The following PRELP variants were observed in gnomAD, a reference collection of about 807,000 sequenced individuals.
PRELP encodes prolargin.
Under a neutral mutation model 22.8 loss-of-function variants are expected in PRELP, and 16 were observed. The observed-to-expected ratio is 0.70, with a 90% CI of 0.47 to 1.06. The LOEUF (loss-of-function observed/expected upper bound fraction) is 1.06. Ranked by LOEUF, PRELP falls within the 50% of genes least tolerant of loss-of-function variation. The pLI is 0.00. For synonymous variants in PRELP, 233 were observed against 211.4 expected (o/e 1.10, Z -0.89); for missense variants, 434 against 485.2 (o/e 0.89, Z 0.99).
chr1:203,478,526 G>A (rs1205601820), intron 1 of PRELP, among the ~76,000 whole-genome samples: 1 of 152,152 alleles, frequency 6.6e-6, no homozygotes, highest in African/African-American at 2.4e-5. Context: ...TTTATTTTTA[G>A]CACTTTTTGA....
At chr1:203,482,155 C>A (rs1447694962) in intron 1 of PRELP, among the ~76,000 whole-genome samples, 1 of 152,090 alleles carries the variant, frequency 6.6e-6, no homozygotes. Flanking sequence ...TCCTAACATC[C>A]CTCTCATGAA....
At chr1:203,485,347 T>C (rs1661074994) in intron 2 of PRELP, among the ~76,000 whole-genome samples, 1 of 152,010 alleles carries the variant, frequency 6.6e-6, no homozygotes, top group African/African-American at 2.4e-5. Flanking sequence ...CTGGAGGATA[T>C]CCCAACCTTC....
chr1:203,487,034 C>A lies in PRELP; in HGVS notation c.*153C>A. On this transcript the variant is annotated 3_prime_UTR_variant, in exon 3 of 3. Coordinates refer to ENST00000343110, the MANE Select transcript of PRELP (RefSeq NM_002725.4). ...AGGCAGGGAAAAGCCATCTATTCTT[C>A]TGCAGCCTCAGGAGCGAGACTTCAA... The A allele has an allele frequency of 1.1e-6, 1 of 914,454 alleles. No individual in the cohort carries two copies. Among genetic ancestry groups the A allele is most frequent in the Non-Finnish European group, 1.6e-6 (1 of 631,912 alleles). The allele number at this position is 914,454 out of a possible 1,614,324, so 56.6% of individuals were successfully genotyped here. A position where few individuals can be genotyped will look rare whatever the true frequency, so the allele number is the denominator to read the frequency against.
At chr1:203,482,591 CTTTTTTTT>C (rs58787817) in intron 1 of PRELP, among the ~76,000 whole-genome samples, 7 of 51,076 alleles carry the variant, frequency 1.4e-4, no homozygotes, top group Non-Finnish European at 2.0e-4. Context: ...CCCAATGTGC[CTTTTTTTT>C]TTTTTTTTTT....
intron 1 of PRELP, among the ~76,000 whole-genome samples, chr1:203,477,225 A>C (rs1326869297): frequency 6.6e-6 from 1 of 152,182 alleles, no homozygotes; most frequent in African/African-American, 2.4e-5. Context: ...ACTTCAGGAG[A>C]TTCTGATGGT....
rs1004806671 is a variant in PRELP, at chr1:203,490,061, G to A, written c.*3180G>A. 2 of 142,402 alleles carry A rather than the reference G, an allele frequency of 1.4e-5. No homozygotes were observed. Among genetic ancestry groups the A allele is most frequent in the Admixed American group, 7.0e-5 (1 of 14,322 alleles). The allele number at this position is 142,402 out of a possible 1,614,324, so 8.8% of individuals were successfully genotyped here. On this transcript the variant is annotated 3_prime_UTR_variant, in exon 3 of 3. Coordinates refer to ENST00000343110, the MANE Select transcript of PRELP (RefSeq NM_002725.4). ...AGCCTCTTAATTGCTCTAACAAGATGAGTGGGGAAAAGATTATACTCTTAA... is the reference window on the plus strand; with the variant it reads ...AGCCTCTTAATTGCTCTAACAAGATAAGTGGGGAAAAGATTATACTCTTAA...
intron 2 of PRELP, 116 bp downstream of exon 2, chr1:203,484,273 T>C: frequency 7.0e-7 from 1 of 1,423,078 alleles, no homozygotes; most frequent in Admixed American, 2.5e-5. Flanking sequence ...ACTTTGGCAC[T>C]GGACTTCAAT....
intron 1 of PRELP, among the ~76,000 whole-genome samples, chr1:203,479,918 A>G (rs539427283): frequency 6.6e-6 from 1 of 152,062 alleles, no homozygotes; most frequent in East Asian, 1.9e-4. Flanking sequence ...CCAGATCCAC[A>G]ATAGTTGGAA....
chr1:203,481,698 G>A (rs1386267104), intron 1 of PRELP, among the ~76,000 whole-genome samples: 1 of 152,134 alleles, frequency 6.6e-6, no homozygotes, highest in Non-Finnish European at 1.5e-5. Flanking sequence ...CTGCGTATGG[G>A]CTCATATACG....
At chr1:203,479,153 A>G (rs1484382023) in intron 1 of PRELP, among the ~76,000 whole-genome samples, 1 of 152,150 alleles carries the variant, frequency 6.6e-6, no homozygotes, top group Non-Finnish European at 1.5e-5. Context: ...ACAAGTAAGA[A>G]GAATGCCAGT....
In PRELP at chr1:203,487,040, C is replaced by A; in HGVS notation, c.*159C>A. ...GGAAAAGCCATCTATTCTTCTGCAG[C>A]CTCAGGAGCGAGACTTCAAGGACTC... On this transcript the variant is annotated 3_prime_UTR_variant, in exon 3 of 3. Coordinates refer to ENST00000343110, the MANE Select transcript of PRELP (RefSeq NM_002725.4). The A allele has an allele frequency of 1.2e-6, 1 of 860,374 alleles. No individual in the cohort carries two copies. Among genetic ancestry groups the A allele is most frequent in the Non-Finnish European group, 1.7e-6 (1 of 585,102 alleles). 53.3% of individuals were successfully genotyped at this position (860,374 alleles called of 1,614,324 possible).
At position 203,483,497 on chromosome 1, in the gene PRELP, C is replaced by T; in HGVS notation, c.313C>T (p.His105Tyr). The T allele has an allele frequency of 1.2e-6, 2 of 1,614,220 alleles. No homozygotes were observed. The highest frequency in any genetic ancestry group is 2.2e-5 in the East Asian group (1 of 44,880). Residue 105 changes from histidine to tyrosine, a missense_variant, in exon 2 of 3, where the codon CAT (histidine) becomes TAT (tyrosine). Physicochemically the swap from His to Tyr is moderately conservative, Grantham distance 83 (BLOSUM62 2). Coordinates refer to ENST00000343110, the MANE Select transcript of PRELP (RefSeq NM_002725.4). The surrounding 1 kb of genome is among the most constrained non-coding windows in gnomAD (Gnocchi z 4.4). ...RKVPVIPPRI[H>Y]YLYLQNNFIT... ...GGTCCCTGTCATCCCGCCCCGCATC[C>T]ATTACCTCTATCTCCAGAACAACTT...
At position 203,483,438 on chromosome 1, in the gene PRELP, C is replaced by T; in HGVS notation, c.254C>T (p.Ser85Phe). ...RECYCPPDFP[S>F]ALYCDSRNLR... ...TGCTACTGCCCCCCTGATTTCCCAT[C>T]TGCCCTCTACTGTGATAGCCGCAAC... The change falls in exon 2 of 3, where the codon TCT becomes TTT. Residue 85 changes from serine (S) to phenylalanine (F), a missense_variant. Transcript: ENST00000343110. The surrounding 1 kb of genome is among the most constrained non-coding windows in gnomAD (Gnocchi z 4.4). 6.2e-7 allele frequency: 1 copy of T among 1,614,202 alleles called. No individual in the cohort carries two copies. The highest frequency in any genetic ancestry group is 8.5e-7 in the Non-Finnish European group (1 of 1,180,028).
rs776957308 is a variant in PRELP, at chr1:203,483,496, C to A, written c.312C>A (p.Ile104=). The stretch of plus-strand genomic sequence containing the variant: ...AGGTCCCTGTCATCCCGCCCCGCAT[C>A]CATTACCTCTATCTCCAGAACAACT... ...LRKVPVIPPR[I]HYLYLQNNFI... Residue 104 remains isoleucine, a synonymous_variant, in exon 2 of 3, where the codon ATC becomes ATA. Coordinates refer to ENST00000343110, the MANE Select transcript of PRELP (RefSeq NM_002725.4). This position sits in a 1 kb window ranked among gnomAD's most constrained non-coding sequence, Gnocchi z 4.4. The A allele has an allele frequency of 6.2e-7, 1 of 1,614,224 alleles. No homozygotes were observed. The highest frequency in any genetic ancestry group is 1.1e-5 in the South Asian group (1 of 91,084).
intron 1 of PRELP, among the ~76,000 whole-genome samples, chr1:203,481,188 T>C (rs1319203567): frequency 1.3e-5 from 2 of 152,234 alleles, no homozygotes; most frequent in Non-Finnish European, 2.9e-5. Context: ...TCTCACAGTA[T>C]GAAAGATTTC....
chr1:203,481,376 G>A (rs149106527), intron 1 of PRELP, among the ~76,000 whole-genome samples: 20 of 152,314 alleles, frequency 1.3e-4, no homozygotes, highest in African/African-American at 4.8e-4. Context: ...CTTACACAAT[G>A]TTAATTCATA....
intron 1 of PRELP, among the ~76,000 whole-genome samples, chr1:203,476,489 T>C (rs1299960092): frequency 6.6e-6 from 1 of 152,126 alleles, no homozygotes; most frequent in Non-Finnish European, 1.5e-5. Context: ...TCCCTGCATC[T>C]TGTCTCTCGC....
chr1:203,479,840 G>A (rs1352369762), intron 1 of PRELP, among the ~76,000 whole-genome samples: 1 of 151,352 alleles, frequency 6.6e-6, no homozygotes, highest in Non-Finnish European at 1.5e-5. Flanking sequence ...GCCTTCAAAT[G>A]CATGATCTCA....
At chr1:203,484,181 G>GGC in intron 2 of PRELP, 24 bp downstream of exon 2, 2 of 1,511,606 alleles carry the variant, frequency 1.3e-6, no homozygotes, top group African/African-American at 1.4e-5. Context: ...GCCGGGGCGG[G>GGC]GCCGAAGGCA....
Sources: gnomAD v4.1 joint callset for allele counts (sites outside exome capture counted in the v4.1 genomes callset) on GRCh38, gnomAD v4.1.1 for gene constraint, Gnocchi (gnomAD v3.1) non-coding constraint, MANE v1.5 for transcripts, NCBI Gene and HGNC (gene_info 2026-07-23, HGNC 2026-07-21) for gene names.